Variants in DCX observed in about 807,000 individuals in gnomAD.
DCX encodes the protein neuronal migration protein doublecortin.
A neutral mutation model predicts 20.9 loss-of-function variants in DCX; 4 were observed. The ratio of observed to expected loss-of-function variants is 0.19; its 90% CI spans 0.09 to 0.44. The LOEUF is 0.44. DCX is among the 20% of genes least tolerant of loss of function. The probability of loss-of-function intolerance (pLI) is 0.99; values close to 1 mark genes in which losing one functional copy is unlikely to be tolerated. For synonymous variants in DCX, 103 were observed against 111.4 expected (o/e 0.92, Z 0.47); for missense variants, 133 against 296.9 (o/e 0.45, Z 4.06).
chrX:111,375,938 A>G (rs1478013128), intron 3 of DCX, among the ~76,000 whole-genome samples: 1 of 112,243 alleles, frequency 8.9e-6, no homozygotes, highest in Non-Finnish European at 1.9e-5. Flanking sequence ...AACCATATTC[A>G]GCACCATGGA....
At chrX:111,306,387 T>C (rs189252040) in intron 6 of DCX, among the ~76,000 whole-genome samples, 405 of 111,554 alleles carry the variant, frequency 3.6e-3, no homozygotes, top group Non-Finnish European at 6.4e-3. Context: ...AAAACATAAA[T>C]ACAAATATTT....
At chrX:111,394,284 C>G (rs1927165171) in intron 3 of DCX, among the ~76,000 whole-genome samples, 2 of 111,651 alleles carry the variant, frequency 1.8e-5, no homozygotes, top group South Asian at 7.4e-4. Context: ...ATGAATAAGA[C>G]AATCCATAGA....
chrX:111,305,935 T>A (rs2095044475), intron 6 of DCX, among the ~76,000 whole-genome samples: 1 of 110,988 alleles, frequency 9.0e-6, no homozygotes, highest in Non-Finnish European at 1.9e-5. Flanking sequence ...CTACTCAAAA[T>A]GAAATTAGTA....
intron 5 of DCX, among the ~76,000 whole-genome samples, chrX:111,324,464 G>A (rs771393122): frequency 1.8e-5 from 2 of 111,700 alleles, no homozygotes; most frequent in Admixed American, 1.9e-4. Flanking sequence ...TAATGGTTCA[G>A]TGGTTAAAAT....
chrX:111,371,116 CT>C (rs1164895750), intron 3 of DCX, among the ~76,000 whole-genome samples: 1 of 112,190 alleles, frequency 8.9e-6, no homozygotes, highest in East Asian at 2.8e-4. Flanking sequence ...GTTTAACACT[CT>C]TTTTATTAGT....
chrX:111,328,461 T>C (rs185204145), intron 5 of DCX, among the ~76,000 whole-genome samples: 7 of 111,912 alleles, frequency 6.3e-5, no homozygotes, highest in Non-Finnish European at 9.4e-5. Context: ...GGTAGTTGTG[T>C]TCATGTGTGC....
chrX:111,401,361 A>C (rs200655260), intron 2 of DCX, 31 bp from the exon 3 acceptor site: 13 of 1,111,896 alleles, frequency 1.2e-5, no homozygotes, highest in Non-Finnish European at 1.6e-5. Flanking sequence ...TTAGGTGATT[A>C]GTTTAATAGC....
chrX:111,383,354 T>C (rs1046665554), intron 3 of DCX, among the ~76,000 whole-genome samples: 2 of 112,040 alleles, frequency 1.8e-5, no homozygotes, highest in African/African-American at 6.5e-5. Context: ...AAAATTTTAA[T>C]CCAATAATCT....
rs750087831 is a variant in DCX at position 111,410,437 on chromosome X, G to A, written c.-22-17C>T. On this transcript the variant is annotated splice_polypyrimidine_tract_variant and intron_variant, in intron 1 of 6. Coordinates refer to ENST00000636035, the MANE Select transcript of DCX (RefSeq NM_001195553.2). The stretch of plus-strand genomic sequence containing the variant: ...CTCAGAGACCTGAGCGTGGGAGAAA[G>A]GGATGGGGGTGAAGAGAGGCAAAAA... The A allele has an allele frequency of 1.7e-6, 2 of 1,208,655 alleles. No individual in the cohort carries two copies. Among genetic ancestry groups the A allele is most frequent in the South Asian group, 1.8e-5 (1 of 56,912 alleles).
chrX:111,367,292 T>C (rs1924699553), intron 3 of DCX, among the ~76,000 whole-genome samples: 1 of 111,772 alleles, frequency 8.9e-6, no homozygotes, highest in African/African-American at 3.3e-5. Context: ...CCCTGATTAT[T>C]TGAGATCTGC....
chrX:111,388,434 A>C (rs956509769), intron 3 of DCX, among the ~76,000 whole-genome samples: 1 of 111,758 alleles, frequency 8.9e-6, no homozygotes, highest in African/African-American at 3.2e-5. Context: ...TTCCTTTTCA[A>C]GATTCTCTAA....
At chrX:111,325,605 G>A (rs1348496858) in intron 5 of DCX, among the ~76,000 whole-genome samples, 1 of 112,354 alleles carries the variant, frequency 8.9e-6, no homozygotes, top group Non-Finnish European at 1.9e-5. Context: ...CTCTTAGCTA[G>A]AGAAGAAAGG....
intron 3 of DCX, among the ~76,000 whole-genome samples, chrX:111,380,058 T>C (rs1458284674): frequency 9.0e-6 from 1 of 111,638 alleles, no homozygotes; most frequent in Admixed American, 9.5e-5. Flanking sequence ...GTGTAAGAGT[T>C]CTGTGTATAT....
chrX:111,411,243 C>G, intron 1 of DCX: 1 of 328,612 alleles, frequency 3.0e-6, no homozygotes, highest in South Asian at 4.2e-5. Flanking sequence ...TTTTTTTCCC[C>G]CCCAGGTGCT....
At chrX:111,359,514 A>C (rs911288991) in intron 3 of DCX, among the ~76,000 whole-genome samples, 7 of 112,085 alleles carry the variant, frequency 6.2e-5, no homozygotes, top group African/African-American at 2.3e-4. Flanking sequence ...CGAAGCCATA[A>C]AATTAAGGAA....
At chrX:111,392,521 T>C (rs1927029105) in intron 3 of DCX, among the ~76,000 whole-genome samples, 1 of 111,433 alleles carries the variant, frequency 9.0e-6, no homozygotes. Context: ...TTGAAAATAT[T>C]ATGCTAAGTG....
intron 3 of DCX, among the ~76,000 whole-genome samples, chrX:111,397,769 G>A (rs1272580834): frequency 9.5e-6 from 1 of 105,595 alleles, no homozygotes; most frequent in Non-Finnish European, 2.0e-5. Context: ...GTGTGTGTGT[G>A]TATATCTACA....
intron 3 of DCX, among the ~76,000 whole-genome samples, chrX:111,354,821 G>C (rs1014750470): frequency 2.7e-5 from 3 of 112,675 alleles, no homozygotes; most frequent in Non-Finnish European, 5.6e-5. Context: ...ATGGTTTATA[G>C]CAGCAGGACA....
chrX:111,332,549 C>T (rs1921346721), intron 4 of DCX, among the ~76,000 whole-genome samples: 1 of 111,790 alleles, frequency 8.9e-6, no homozygotes, highest in African/African-American at 3.3e-5. Context: ...TTATTATTAA[C>T]AACCCTCTGT....
Sources: gnomAD v4.1 joint callset for allele counts (sites outside exome capture counted in the v4.1 genomes callset) on GRCh38, gnomAD v4.1.1 for gene constraint, MANE v1.5 for transcripts, NCBI Gene and HGNC (gene_info 2026-07-23, HGNC 2026-07-21) for gene names.